Variants in CDKAL1 observed in about 807,000 individuals in gnomAD.
CDKAL1 encodes threonylcarbamoyladenosine tRNA methylthiotransferase.
A neutral mutation model predicts 68.2 loss-of-function variants in CDKAL1; 32 were observed. The observed-to-expected ratio is 0.47, with a 90% CI of 0.35 to 0.63. The LOEUF (loss-of-function observed/expected upper bound fraction) is 0.63. Among genes scored for constraint, CDKAL1 ranks in the 30% least tolerant of loss-of-function variants. The pLI is 0.00. For synonymous variants in CDKAL1, 234 were observed against 244.3 expected, an observed-to-expected ratio of 0.96 and a Z score of 0.39; for missense variants, 606 against 696.7, an observed-to-expected ratio of 0.87 and a Z score of 1.47.
rs200074365 is a variant in CDKAL1 at position 20,609,373 on chromosome 6, C to CCTT, written c.287-39892_287-39890dup. Reference sequence around the variant, plus strand: ...CCTTCTCCTCCCTTCTTCTCCTTCTCCTTCTTCTTCTTCTTCTTCTTCTTC... The same window carrying CCTT: ...CCTTCTCCTCCCTTCTTCTCCTTCTCCTTCTTCTTCTTCTTCTTCTTCTTCTTC... On this transcript the variant is annotated intron_variant, in intron 4 of 15. Transcript: ENST00000274695. 9.6e-3 allele frequency among the ~76,000 whole-genome samples: 1,030 copies of CCTT among 107,806 alleles called. 12 individuals are homozygous for CCTT. The highest frequency in any genetic ancestry group is 0.023 in the South Asian group (74 of 3,178). 70.7% of individuals were successfully genotyped at this position (107,806 alleles called of 152,430 possible).
intron 4 of CDKAL1, among the ~76,000 whole-genome samples, chr6:20,579,999 C>T (rs1369895531): frequency 6.6e-6 from 1 of 152,134 alleles, no homozygotes; most frequent in East Asian, 1.9e-4. Flanking sequence ...AATTACATAA[C>T]CAATTTTGTG....
chr6:20,934,439 A>C lies in CDKAL1; in HGVS notation c.743-20980A>C, dbSNP rs75371109. Among the ~76,000 whole-genome samples the C allele has an allele frequency of 8.9e-4, 136 of 152,312 alleles. 2 individuals carry two copies. In the East Asian group the frequency reaches 0.015, roughly 17 times the overall value. ...ACATGTAGACCAATAATGAATCAAC[A>C]GATCATTTTCTGCAGATTATCATCA... On this transcript the variant is annotated intron_variant, in intron 9 of 15. Transcript: ENST00000274695.
intron 7 of CDKAL1, among the ~76,000 whole-genome samples, chr6:20,762,700 T>A (rs1774522696): frequency 6.6e-6 from 1 of 152,204 alleles, no homozygotes; most frequent in Non-Finnish European, 1.5e-5. Context: ...ACACAGAACA[T>A]ATTAAGGCAT....
intron 4 of CDKAL1, among the ~76,000 whole-genome samples, chr6:20,562,389 T>A (rs938862316): frequency 6.6e-6 from 1 of 152,014 alleles, no homozygotes; most frequent in Non-Finnish European, 1.5e-5. Flanking sequence ...CTCTTGAGGG[T>A]AGACAGCATC....
chr6:20,915,168 CAA>C (rs68091041), intron 9 of CDKAL1, among the ~76,000 whole-genome samples: 16,043 of 138,524 alleles, frequency 0.12, 948 homozygotes, highest in African/African-American at 0.15. Context: ...TATATAATGG[CAA>C]AAAAAAAAAG....
intron 8 of CDKAL1, among the ~76,000 whole-genome samples, chr6:20,828,784 C>T (rs568881685): frequency 5.9e-5 from 9 of 152,158 alleles, no homozygotes; most frequent in Admixed American, 2.0e-4. Flanking sequence ...GTACAAACAT[C>T]ACCACTATCC....
intron 7 of CDKAL1, among the ~76,000 whole-genome samples, chr6:20,776,090 T>G (rs975157832): frequency 2.0e-5 from 3 of 152,220 alleles, no homozygotes; most frequent in Non-Finnish European, 4.4e-5. Flanking sequence ...GCAGAGATAC[T>G]TTCCTTTATT....
At chr6:20,943,820 G>C (rs1253189498) in intron 9 of CDKAL1, among the ~76,000 whole-genome samples, 1 of 151,686 alleles carries the variant, frequency 6.6e-6, no homozygotes, top group African/African-American at 2.4e-5. Flanking sequence ...CACTGAGCCA[G>C]ACTCAGTGGT....
intron 5 of CDKAL1, among the ~76,000 whole-genome samples, chr6:20,695,422 G>T (rs889241618): frequency 6.6e-6 from 1 of 152,152 alleles, no homozygotes; most frequent in Non-Finnish European, 1.5e-5. Flanking sequence ...TTAGGTTAGA[G>T]ATCCAGCTAG....
chr6:21,057,559 T>C (rs778440747), intron 11 of CDKAL1, among the ~76,000 whole-genome samples: 1 of 152,066 alleles, frequency 6.6e-6, no homozygotes, highest in Non-Finnish European at 1.5e-5. Context: ...TGTCTTCTGC[T>C]AGCTTTGGGG....
At chr6:21,146,947 A>G (rs1258159783) in intron 13 of CDKAL1, among the ~76,000 whole-genome samples, 2 of 151,360 alleles carry the variant, frequency 1.3e-5, no homozygotes, top group South Asian at 2.1e-4. Context: ...GTTTTCCCCT[A>G]TAGTTTTCCT....
At chr6:20,708,934 A>G (rs1206638457) in intron 5 of CDKAL1, among the ~76,000 whole-genome samples, 2 of 152,118 alleles carry the variant, frequency 1.3e-5, no homozygotes, top group Non-Finnish European at 2.9e-5. Context: ...ATAATAGTCA[A>G]ACATTGGTCA....
chr6:20,975,762 A>G (rs1204779905), intron 10 of CDKAL1, among the ~76,000 whole-genome samples: 1 of 152,232 alleles, frequency 6.6e-6, no homozygotes, highest in Non-Finnish European at 1.5e-5. Context: ...AAAGCTTTCA[A>G]AGAATATTTG....
intron 4 of CDKAL1, among the ~76,000 whole-genome samples, chr6:20,574,652 G>C (rs1352351113): frequency 6.6e-6 from 1 of 152,014 alleles, no homozygotes; most frequent in Non-Finnish European, 1.5e-5. Flanking sequence ...CTTGATGTCT[G>C]GGTAGTTTAT....
intron 13 of CDKAL1, among the ~76,000 whole-genome samples, chr6:21,149,553 A>G (rs1377205922): frequency 6.6e-6 from 1 of 152,242 alleles, no homozygotes; most frequent in Non-Finnish European, 1.5e-5. Context: ...TGGTCTTGCA[A>G]CATTTGCTGG....
chr6:20,775,052 A>G (rs771741697), intron 7 of CDKAL1, among the ~76,000 whole-genome samples: 8 of 152,218 alleles, frequency 5.3e-5, no homozygotes, highest in Non-Finnish European at 1.2e-4. Context: ...AAAAGATAAA[A>G]GATCTCAGAA....
chr6:20,639,042 G>A (rs1192226108), intron 4 of CDKAL1, among the ~76,000 whole-genome samples: 3 of 152,114 alleles, frequency 2.0e-5, no homozygotes, highest in Non-Finnish European at 4.4e-5. Context: ...TTTCTACATG[G>A]TAAGTACAAC....
chr6:21,147,682 A>C (rs1308208998), intron 13 of CDKAL1, among the ~76,000 whole-genome samples: 1 of 152,202 alleles, frequency 6.6e-6, no homozygotes, highest in Admixed American at 6.5e-5. Flanking sequence ...ATTAATAATC[A>C]CTTCCATTTG....
At chr6:20,801,248 T>C (rs982406169) in intron 8 of CDKAL1, among the ~76,000 whole-genome samples, 18 of 152,182 alleles carry the variant, frequency 1.2e-4, no homozygotes, top group African/African-American at 4.3e-4. Context: ...CTTGGGTTTT[T>C]CCCTGAAGAA....
Sources: gnomAD v4.1 joint callset for allele counts (sites outside exome capture counted in the v4.1 genomes callset) on GRCh38, gnomAD v4.1.1 for gene constraint, MANE v1.5 for transcripts, NCBI Gene and HGNC (gene_info 2026-07-23, HGNC 2026-07-21) for gene names.